The following EXOC7 variants were observed in gnomAD, a reference collection of about 807,000 sequenced individuals.
The protein encoded by EXOC7 is exocyst complex component 7.
Under a neutral mutation model 87.6 loss-of-function variants are expected in EXOC7, and 51 were observed. That is an observed-to-expected ratio of 0.58 (90% CI 0.46 to 0.73). The LOEUF (loss-of-function observed/expected upper bound fraction) is 0.73. Among genes scored for constraint, EXOC7 ranks in the 30% least tolerant of loss-of-function variants. EXOC7 has a pLI of 0.00. For missense variants in EXOC7, 744 were observed against 888.4 expected (o/e 0.84, Z 2.07); for synonymous variants, 327 against 357.1 (o/e 0.92, Z 0.95).
In EXOC7 at chr17:76,089,172, G is replaced by A. The variant is rs780150939; in HGVS notation, c.1047+3C>T. ...CTGCAGAGCCCCCGGGGCGGGGCGG[G>A]ACCTGTATCAGGGAGTCGAAGGTCT... is the stretch of plus-strand genomic sequence containing the variant. On this transcript the variant is annotated splice_donor_region_variant and intron_variant, in intron 8 of 18. Transcript: ENST00000589210. 40 of 1,612,908 alleles carry A rather than the reference G, an allele frequency of 2.5e-5. No individual in the cohort carries two copies. The highest frequency in any genetic ancestry group is 3.4e-5 in the Non-Finnish European group (40 of 1,179,948).
At chr17:76,086,181 C>A in intron 12 of EXOC7, 36 bp from the exon 13 acceptor site, 1 of 1,601,878 alleles carries the variant, frequency 6.2e-7, no homozygotes, top group Non-Finnish European at 8.5e-7. Context: ...GCAGTGGCAG[C>A]AGCCAAGACC....
chr17:76,090,803 C>T (rs957905674), intron 7 of EXOC7: 13 of 509,654 alleles, frequency 2.6e-5, no homozygotes, highest in East Asian at 6.8e-5. Flanking sequence ...CGGGAGGCCT[C>T]GGCCAGCTGG....
chr17:76,087,795 G>A, intron 11 of EXOC7, 75 bp from the exon 12 acceptor site: 1 of 1,479,296 alleles, frequency 6.8e-7, no homozygotes, highest in Non-Finnish European at 9.2e-7. Flanking sequence ...ACCCCTCTGA[G>A]TGCCCAGGGC....
Position 76,085,801 on chromosome 17 carries a change from C to T in EXOC7, c.1496-4G>A, listed in dbSNP as rs2144599476. On this transcript the variant is annotated splice_polypyrimidine_tract_variant and splice_region_variant and intron_variant, in intron 13 of 18. Coordinates refer to ENST00000589210, the MANE Select transcript of EXOC7 (RefSeq NM_001013839.4). ...TGCAGGTTGCCCAGCACTTTACCTGCACAGGGAAAAATGGGGCCACACCCA... is the reference window on the plus strand; with the variant it reads ...TGCAGGTTGCCCAGCACTTTACCTGTACAGGGAAAAATGGGGCCACACCCA... 6.2e-7 allele frequency: 1 copy of T among 1,608,732 alleles called. No homozygotes were observed. Among genetic ancestry groups the T allele is most frequent in the East Asian group, 2.2e-5 (1 of 44,832 alleles).
chr17:76,103,093 G>A (rs2068153253), intron 2 of EXOC7: 1 of 507,920 alleles, frequency 2.0e-6, no homozygotes, highest in Non-Finnish European at 3.6e-6. Flanking sequence ...CTGAGTGTTT[G>A]CAGAAGGAGA....
Position 76,103,402 on chromosome 17 carries a change from G to C in EXOC7, c.85C>G (p.Arg29Gly). The C allele has an allele frequency of 6.2e-7, 1 of 1,607,762 alleles. No homozygotes were observed. The highest frequency in any genetic ancestry group is 8.5e-7 in the Non-Finnish European group (1 of 1,177,358). ...KQEEETLSFI[R>G]DSLEKSDQLT... ...TGGTCGCTCTTCTCCAGGCTGTCTC[G>C]GATGAAGGACAGAGTCTCCTCCTCC... Residue 29 changes from arginine to glycine, a missense_variant, in exon 2 of 19, where the codon CGA (arginine) becomes GGA (glycine). Physicochemically the swap from Arg to Gly is moderately radical, Grantham distance 125. Coordinates refer to ENST00000589210, the MANE Select transcript of EXOC7 (RefSeq NM_001013839.4).
intron 4 of EXOC7, among the ~76,000 whole-genome samples, chr17:76,099,496 T>G (rs543303698): frequency 6.6e-6 from 1 of 152,058 alleles, no homozygotes; most frequent in African/African-American, 2.4e-5. Context: ...AACAAGAGCA[T>G]AACTCCGTCT....
intron 4 of EXOC7, 75 bp from the exon 5 acceptor site, chr17:76,098,093 C>A: frequency 7.6e-7 from 1 of 1,324,388 alleles, no homozygotes; most frequent in South Asian, 1.2e-5. Flanking sequence ...CCTGCCTGTG[C>A]CAGCTCTGTC....
chr17:76,103,258 C>T, intron 2 of EXOC7, 103 bp downstream of exon 2: 3 of 1,051,118 alleles, frequency 2.9e-6, no homozygotes, highest in Non-Finnish European at 4.3e-6. Flanking sequence ...CCGTCGCTGC[C>T]CATTCCAGAA....
At chr17:76,093,057 GC>G in intron 6 of EXOC7, 1 of 152,550 alleles carries the variant, frequency 6.6e-6, no homozygotes, top group Non-Finnish European at 1.5e-5. Flanking sequence ...TAGCTGCATG[GC>G]CAGCGGGCAC....
chr17:76,089,514 G>C (rs1432415915), intron 7 of EXOC7, 194 bp from the exon 8 acceptor site: 2 of 641,148 alleles, frequency 3.1e-6, no homozygotes, highest in Non-Finnish European at 5.3e-6. Flanking sequence ...AAGGAGCTGA[G>C]CCCAGCCTTT....
chr17:76,085,065 A>G, intron 15 of EXOC7: 2 of 540,892 alleles, frequency 3.7e-6, no homozygotes, highest in Admixed American at 3.3e-5. Context: ...CAGCTCTTCA[A>G]TCATTCTTAG....
At chr17:76,086,818 A>C (rs1287932184) in intron 12 of EXOC7, 6 of 1,546,008 alleles carry the variant, frequency 3.9e-6, no homozygotes, top group Non-Finnish European at 5.3e-6. Flanking sequence ...CAAGCTTCAG[A>C]GGGACAGGAG....
At chr17:76,084,640 G>T in intron 15 of EXOC7, 60 bp from the exon 16 acceptor site, 1 of 1,499,906 alleles carries the variant, frequency 6.7e-7, no homozygotes, top group Non-Finnish European at 9.2e-7. Context: ...GGCCTGGCTT[G>T]TTTCGTTTGC....
At position 76,103,683 on chromosome 17, in the gene EXOC7, G is replaced by A. The variant is rs1331519970; in HGVS notation, c.10C>T (p.Pro4Ser). The stretch of plus-strand genomic sequence containing the variant: ...CGCCGTCGAGCGGATGCCTCCTGTG[G>A]GGGAATCATCGCTCTGAACCCCGCG... MIP[P>S]QEASARRREI... Residue 4 changes from proline to serine, a missense_variant, in exon 1 of 19, where the codon CCA becomes TCA. Coordinates refer to ENST00000589210, the MANE Select transcript of EXOC7 (RefSeq NM_001013839.4). 6.2e-7 allele frequency: 1 copy of A among 1,612,108 alleles called. No homozygotes were observed. The highest frequency in any genetic ancestry group is 2.2e-5 in the East Asian group (1 of 44,750).
Position 76,098,865 on chromosome 17 carries a change from CAAA to C in EXOC7, c.418-850_418-848del, listed in dbSNP as rs55644538. On this transcript the variant is annotated intron_variant, in intron 4 of 18. Transcript: ENST00000589210. ...TGGGTAACAGAGTGAGACTCCGTCT[CAAA>C]AAAAAAAAAAAAAAAATACTGGCCG... Among the ~76,000 whole-genome samples the C allele has an allele frequency of 9.4e-3, 1,004 of 106,826 alleles. 7 individuals carry two copies. The highest frequency in any genetic ancestry group is 0.026 in the African/African-American group (768 of 29,558). 70.1% of individuals were successfully genotyped at this position (106,826 alleles called of 152,430 possible).
chr17:76,097,835 G>A lies in EXOC7; in HGVS notation c.601C>T (p.Arg201Cys), dbSNP rs769602819. Residue 201 changes from arginine to cysteine, a missense_variant, in exon 5 of 19, where the codon CGC becomes TGC. Transcript: ENST00000589210. The stretch of plus-strand genomic sequence containing the variant: ...TATTCCACCAGCCAGCGGGAGATGC[G>A]AATGACATCCTGGAGCACGCTCTCG... ...LPESVLQDVI[R>C]ISRWLVEYGR... 10 of 1,613,004 alleles carry A rather than the reference G, an allele frequency of 6.2e-6. No individual in the cohort carries two copies. The Admixed American group carries it at 6.7e-5, about 11-fold the overall frequency.
intron 7 of EXOC7, chr17:76,090,182 AAG>A (rs1230159998): frequency 8.7e-6 from 8 of 920,394 alleles, no homozygotes; most frequent in Admixed American, 2.8e-5. Flanking sequence ...CTAGGCCCAA[AAG>A]AGAGAGAGTG....
rs78553729 is a variant in EXOC7 at position 76,090,648 on chromosome 17, C to T, written c.901+495G>A. On this transcript the variant is annotated intron_variant, in intron 7 of 18. Coordinates refer to ENST00000589210, the MANE Select transcript of EXOC7 (RefSeq NM_001013839.4). The stretch of plus-strand genomic sequence containing the variant: ...CTGCTCATTTCCCCGAGCCTGGAGG[C>T]CCAGGGAAAGCGGAGAAGGACCAAG... The T allele has an allele frequency of 1.5e-3, 1,011 of 657,500 alleles. 13 individuals are homozygous for T. In the East Asian group the frequency reaches 0.026, roughly 17 times the overall value. The allele number at this position is 657,500 out of a possible 1,614,324, so 40.7% of individuals were successfully genotyped here.
Sources: gnomAD v4.1 joint callset for allele counts (sites outside exome capture counted in the v4.1 genomes callset) on GRCh38, gnomAD v4.1.1 for gene constraint, MANE v1.5 for transcripts, NCBI Gene and HGNC (gene_info 2026-07-23, HGNC 2026-07-21) for gene names.